CCNB2: variants seen among roughly 807,000 people sequenced by gnomAD.
The protein encoded by CCNB2 is G2/mitotic-specific cyclin-B2.
A neutral mutation model predicts 51.1 loss-of-function variants in CCNB2; 39 were observed. The observed-to-expected ratio is 0.76, with a 90% confidence interval of 0.59 to 1.00. The LOEUF is 1.00. CCNB2 is among the 50% of genes least tolerant of loss of function. CCNB2 has a pLI of 0.00. For missense variants in CCNB2, 472 were observed against 470.3 expected, an observed-to-expected ratio of 1.00 and a Z score of -0.03; for synonymous variants, 174 against 165.5, an observed-to-expected ratio of 1.05 and a Z score of -0.40.
At chr15:59,120,156 T>C (rs1354869097) in intron 7 of CCNB2, among the ~76,000 whole-genome samples, 1 of 152,210 alleles carries the variant, frequency 6.6e-6, no homozygotes, top group African/African-American at 2.4e-5. Context: ...AACTCAGTAG[T>C]AGTGAGCATA....
chr15:59,118,698 AAAAG>A (rs2079289449), intron 7 of CCNB2, among the ~76,000 whole-genome samples: 1 of 152,248 alleles, frequency 6.6e-6, no homozygotes, highest in Admixed American at 6.5e-5. Context: ...AAAAATATAA[AAAAG>A]AAGAAGTTGT....
intron 7 of CCNB2, among the ~76,000 whole-genome samples, chr15:59,123,054 TTTC>T (rs1453655007): frequency 1.6e-4 from 24 of 152,192 alleles, no homozygotes; most frequent in African/African-American, 5.8e-4. Context: ...GCACAGTTTA[TTTC>T]TTATTTCCGA....
chr15:59,113,750 G>C (rs1237560310), intron 3 of CCNB2, among the ~76,000 whole-genome samples: 2 of 152,162 alleles, frequency 1.3e-5, no homozygotes, highest in South Asian at 2.1e-4. Flanking sequence ...TTGAGGCGGA[G>C]TCTTGTTCCG....
chr15:59,118,038 G>A (rs1021923023), intron 7 of CCNB2, among the ~76,000 whole-genome samples: 1 of 152,232 alleles, frequency 6.6e-6, no homozygotes, highest in Admixed American at 6.5e-5. Context: ...TGTACAGAAT[G>A]AGGAAGGCCA....
At chr15:59,110,951 A>G (rs1229598554) in intron 3 of CCNB2, among the ~76,000 whole-genome samples, 2 of 152,194 alleles carry the variant, frequency 1.3e-5, no homozygotes, top group Non-Finnish European at 2.9e-5. Flanking sequence ...GATTCTGTCT[A>G]GAGGAGCTCC....
intron 3 of CCNB2, 135 bp from the exon 4 acceptor site, chr15:59,114,309 C>T (rs1305663740): frequency 1.6e-6 from 1 of 606,660 alleles, no homozygotes; most frequent in Non-Finnish European, 2.8e-6. Context: ...TTGAATTATT[C>T]ACCTCTTGGT....
chr15:59,107,706 G>C, intron 3 of CCNB2, 36 bp downstream of exon 3: 1 of 1,549,280 alleles, frequency 6.5e-7, no homozygotes, highest in Non-Finnish European at 8.9e-7. Flanking sequence ...TATTTAATGA[G>C]GTAGCCTGTT....
intron 7 of CCNB2, among the ~76,000 whole-genome samples, chr15:59,118,472 C>G (rs1431029078): frequency 6.6e-6 from 1 of 152,162 alleles, no homozygotes; most frequent in Non-Finnish European, 1.5e-5. Flanking sequence ...CACCTGAGGT[C>G]AGGAGTTTGA....
intron 6 of CCNB2, 38 bp from the exon 7 acceptor site, chr15:59,117,190 A>C (rs368038064): frequency 6.9e-6 from 11 of 1,599,108 alleles, no homozygotes; most frequent in Non-Finnish European, 9.4e-6. Context: ...CAGTAATTAC[A>C]CTTGTGATTC....
At chr15:59,112,860 C>T (rs2079263386) in intron 3 of CCNB2, among the ~76,000 whole-genome samples, 1 of 151,292 alleles carries the variant, frequency 6.6e-6, no homozygotes, top group Non-Finnish European at 1.5e-5. Flanking sequence ...CGGTGAAACC[C>T]CGTCTCTACT....
At chr15:59,111,226 A>G (rs1303928195) in intron 3 of CCNB2, among the ~76,000 whole-genome samples, 1 of 152,116 alleles carries the variant, frequency 6.6e-6, no homozygotes, top group Non-Finnish European at 1.5e-5. Flanking sequence ...GATGGAGAAG[A>G]TCTCACTATG....
intron 3 of CCNB2, among the ~76,000 whole-genome samples, chr15:59,108,502 T>C (rs1360402103): frequency 2.0e-5 from 3 of 151,914 alleles, no homozygotes; most frequent in African/African-American, 7.3e-5. Context: ...ATAGTGGGTA[T>C]GAAGAAACAA....
intron 3 of CCNB2, among the ~76,000 whole-genome samples, chr15:59,110,913 A>G (rs2079254962): frequency 6.6e-6 from 1 of 152,220 alleles, no homozygotes; most frequent in African/African-American, 2.4e-5. Flanking sequence ...TTTGCTGGAC[A>G]CTGGGGAAAC....
intron 3 of CCNB2, among the ~76,000 whole-genome samples, chr15:59,109,428 TGA>T (rs2079249290): frequency 6.6e-6 from 1 of 152,234 alleles, no homozygotes; most frequent in African/African-American, 2.4e-5. Context: ...AGTGCTATGA[TGA>T]GTGTCTCTTA....
intron 7 of CCNB2, among the ~76,000 whole-genome samples, 170 bp downstream of exon 7, chr15:59,117,538 A>G (rs1174067383): frequency 6.6e-6 from 1 of 152,176 alleles, no homozygotes; most frequent in East Asian, 1.9e-4. Flanking sequence ...GTGCCATCAC[A>G]GCCCACTGCA....
At chr15:59,114,178 T>C (rs1448315266) in intron 3 of CCNB2, among the ~76,000 whole-genome samples, 1 of 152,140 alleles carries the variant, frequency 6.6e-6, no homozygotes, top group East Asian at 1.9e-4. Context: ...GCGAGGGAAC[T>C]GGGGAGGGCC....
rs3052992 is a variant in CCNB2, at chr15:59,121,931, C to CAAAAAAA, written c.976-1562_976-1556dup. ...TGGGCGACAGAATGAGACTCTGTCTCAAAAAAAAAAAAAAAAAAAAAAAAA... is the reference window on the plus strand; with the variant it reads ...TGGGCGACAGAATGAGACTCTGTCTCAAAAAAAAAAAAAAAAAAAAAAAAAAAAAAAA... On this transcript the variant is annotated intron_variant, in intron 7 of 8. Transcript: ENST00000288207. Among the ~76,000 whole-genome samples, 21 of 14,104 alleles carry CAAAAAAA rather than the reference C, an allele frequency of 1.5e-3. 4 individuals are homozygous for CAAAAAAA. Among genetic ancestry groups the CAAAAAAA allele is most frequent in the African/African-American group, 3.7e-3 (20 of 5,334 alleles). The allele number at this position is 14,104 out of a possible 152,430, so 9.3% of individuals were successfully genotyped here. A position where few individuals can be genotyped will look rare whatever the true frequency, so the allele number is the denominator to read the frequency against.
chr15:59,124,704 G>T, intron 8 of CCNB2, 63 bp from the exon 9 acceptor site: 3 of 1,098,968 alleles, frequency 2.7e-6, no homozygotes, highest in Non-Finnish European at 4.2e-6. Flanking sequence ...TTGTGAGTTA[G>T]ACTAGGAATA....
rs760508792 is a variant in CCNB2 at position 59,114,883 on chromosome 15, G to A, written c.597+7G>A. 6.2e-7 allele frequency: 1 copy of A among 1,609,694 alleles called. No homozygotes were observed. Among genetic ancestry groups the A allele is most frequent in the South Asian group, 1.1e-5 (1 of 90,898 alleles). On this transcript the variant is annotated splice_region_variant and intron_variant, in intron 5 of 8. Coordinates refer to ENST00000288207, the MANE Select transcript of CCNB2 (RefSeq NM_004701.4). ...TATGGATCGATTTTTACAGGTAGGTGTGGCTTCAGGGACTTCACGCCAGTG... is the reference window on the plus strand; with the variant it reads ...TATGGATCGATTTTTACAGGTAGGTATGGCTTCAGGGACTTCACGCCAGTG...
Sources: gnomAD v4.1 joint callset for allele counts (sites outside exome capture counted in the v4.1 genomes callset) on GRCh38, gnomAD v4.1.1 for gene constraint, MANE v1.5 for transcripts, NCBI Gene and HGNC (gene_info 2026-07-23, HGNC 2026-07-21) for gene names.